MARK2: variants seen among roughly 807,000 people sequenced by gnomAD.
The protein encoded by MARK2 is serine/threonine-protein kinase MARK2.
In MARK2, 16 loss-of-function variants were observed where a neutral mutation model predicts 89.8. The ratio of observed to expected loss-of-function variants is 0.18; its 90% CI spans 0.12 to 0.27. The LOEUF is 0.27. Among genes scored for constraint, MARK2 ranks in the 10% least tolerant of loss-of-function variants. The pLI, the probability that MARK2 is intolerant of heterozygous loss-of-function variation, is 1.00. For missense variants in MARK2, 621 were observed against 1,049.9 expected, an observed-to-expected ratio of 0.59 and a Z score of 5.65; for synonymous variants, 382 against 399.5, an observed-to-expected ratio of 0.96 and a Z score of 0.52.
At chr11:63,908,840 A>G in intron 18 of MARK2, 37 bp from the exon 19 acceptor site, 2 of 1,343,396 alleles carry the variant, frequency 1.5e-6, no homozygotes, top group Non-Finnish European at 9.7e-7. Flanking sequence ...GGGGTGCCTC[A>G]GCCCCCCCGT....
At chr11:63,850,593 T>G (rs1454453243) in intron 1 of MARK2, among the ~76,000 whole-genome samples, 2 of 151,846 alleles carry the variant, frequency 1.3e-5, no homozygotes, top group Non-Finnish European at 2.9e-5. Flanking sequence ...TTTTCTTGAT[T>G]AAAGAAAAAA....
intron 1 of MARK2, chr11:63,888,493 G>A (rs1939546196): frequency 9.9e-7 from 1 of 1,006,542 alleles, no homozygotes; most frequent in Non-Finnish European, 1.2e-6. Context: ...CGGGGAGGGG[G>A]GGAGGGGGAG....
rs376300912 is a variant in MARK2 at position 63,903,067 on chromosome 11, G to T, written c.1423G>T (p.Val475Phe). ...TGCCCTTTATTCCCCACAGAACAGC[G>T]TCCTCTCCACCAGCACAAATCGAAG... ...KTTPTPSTNS[V>F]LSTSTNRSRN... Residue 475 changes from valine (V) to phenylalanine (F), a missense_variant, in exon 14 of 19, where the codon GTC becomes TTC. By Grantham distance (50) the Val-to-Phe change is conservative. Around this residue, in one of 5 missense-constraint regions of MARK2, gnomAD observed 397 missense variants for 567.8 expected, o/e 0.70. Transcript: ENST00000402010. This position sits in a 1 kb window ranked among gnomAD's most constrained non-coding sequence, Gnocchi z 5.1. The T allele has an allele frequency of 6.2e-7, 1 of 1,613,760 alleles. No homozygotes were observed. The highest frequency in any genetic ancestry group is 1.1e-5 in the South Asian group (1 of 91,078).
At chr11:63,898,396 C>A in intron 4 of MARK2, 116 bp downstream of exon 4, 1 of 1,082,398 alleles carries the variant, frequency 9.2e-7, no homozygotes, top group Non-Finnish European at 1.4e-6. Context: ...TCAAGGATAC[C>A]CCTGGGGAAG....
At chr11:63,854,255 A>T (rs1285035974) in intron 1 of MARK2, among the ~76,000 whole-genome samples, 4 of 148,666 alleles carry the variant, frequency 2.7e-5, no homozygotes, top group Middle Eastern at 3.6e-3. Flanking sequence ...GCTGGAGTGC[A>T]TTGGTGCAAC....
chr11:63,908,547 TAC>T (rs949375051), intron 18 of MARK2, among the ~76,000 whole-genome samples: 2 of 152,200 alleles, frequency 1.3e-5, no homozygotes, highest in African/African-American at 4.8e-5. Context: ...TGGTTGGGGC[TAC>T]AGATTCCTAC....
Position 63,909,499 on chromosome 11 carries a change from TGGG to T in MARK2, c.*267_*269del. The T allele has an allele frequency of 2.7e-6, 1 of 365,102 alleles. No homozygotes were observed. The highest frequency in any genetic ancestry group is 4.9e-6 in the Non-Finnish European group (1 of 203,154). The allele number at this position is 365,102 out of a possible 1,614,324, so 22.6% of individuals were successfully genotyped here. A position where few individuals can be genotyped will look rare whatever the true frequency, so the allele number is the denominator to read the frequency against. On this transcript the variant is annotated 3_prime_UTR_variant, in exon 19 of 19. Transcript: ENST00000402010. ...GGAGGCAAAGGAAGGGGAGGGTGGA[TGGG>T]GGGGCAGGGCTCCCCCTCGGTACTG...
intron 1 of MARK2, among the ~76,000 whole-genome samples, chr11:63,878,869 G>T (rs1938932197): frequency 1.3e-5 from 2 of 152,144 alleles, no homozygotes; most frequent in South Asian, 4.1e-4. Flanking sequence ...GACCTCATGG[G>T]CTGGCCTGAG....
chr11:63,901,728 G>A (rs1480288150), intron 11 of MARK2, among the ~76,000 whole-genome samples: 2 of 151,322 alleles, frequency 1.3e-5, no homozygotes, highest in Non-Finnish European at 2.9e-5. Flanking sequence ...GTGTGTATGT[G>A]TCCGTCTTCC....
In MARK2 at chr11:63,902,790, G is replaced by T. The variant is rs377154776; in HGVS notation, c.1416+8G>T. 6.2e-7 allele frequency: 1 copy of T among 1,602,282 alleles called. No homozygotes were observed. Among genetic ancestry groups the T allele is most frequent in the African/African-American group, 1.3e-5 (1 of 74,790 alleles). ...ACCCCAACCCCCTCCACGGTGAGCC[G>T]CACCCCCCGCTCTCTCCTTCCTTCC... is the stretch of plus-strand genomic sequence containing the variant. On this transcript the variant is annotated splice_region_variant and intron_variant, in intron 13 of 18. Transcript: ENST00000402010. The surrounding 1 kb of genome is among the most constrained non-coding windows in gnomAD (Gnocchi z 4.2).
rs1941567290 is a variant in MARK2, at chr11:63,908,867, C to T, written c.2007-10C>T. The T allele has an allele frequency of 2.0e-6, 3 of 1,480,090 alleles. No homozygotes were observed. The highest frequency in any genetic ancestry group is 2.3e-5 in the Admixed American group (1 of 42,984). 91.7% of individuals were successfully genotyped at this position (1,480,090 alleles called of 1,614,324 possible). ...CCCCCCCGTGACGCCCGCCTCTGCC[C>T]TCTCCACAGACCTCACGTGGTGGGC... On this transcript the variant is annotated splice_polypyrimidine_tract_variant and intron_variant, in intron 18 of 18. Transcript: ENST00000402010.
intron 3 of MARK2, 71 bp from the exon 4 acceptor site, chr11:63,898,161 G>A: frequency 1.5e-6 from 2 of 1,352,388 alleles, no homozygotes; most frequent in Non-Finnish European, 2.1e-6. Context: ...ACAAATCCTG[G>A]CAGGGACTGT....
At chr11:63,874,111 T>C (rs948774088) in intron 1 of MARK2, among the ~76,000 whole-genome samples, 2 of 152,220 alleles carry the variant, frequency 1.3e-5, no homozygotes, top group African/African-American at 4.8e-5. Context: ...CCTTTCCCTC[T>C]TCCTTCCTGT....
At chr11:63,871,514 T>A in intron 1 of MARK2, among the ~76,000 whole-genome samples, 1 of 150,988 alleles carries the variant, frequency 6.6e-6, no homozygotes, top group Non-Finnish European at 1.5e-5. Flanking sequence ...CAGGTGTGGC[T>A]GAAGAGTATT....
Position 63,900,204 on chromosome 11 carries a change from G to A in MARK2, c.768+94G>A. 2 of 962,638 alleles carry A rather than the reference G, an allele frequency of 2.1e-6. No homozygotes were observed. The highest frequency in any genetic ancestry group is 3.3e-6 in the Non-Finnish European group (2 of 615,112). The allele number at this position is 962,638 out of a possible 1,614,324, so 59.6% of individuals were successfully genotyped here. ...CTGCCTTTGCCACCTGTCTACATTTGTCCCAAGCCAAAGCTTCAGAGAAGG... is the reference window on the plus strand; with the variant it reads ...CTGCCTTTGCCACCTGTCTACATTTATCCCAAGCCAAAGCTTCAGAGAAGG... On this transcript the variant is annotated intron_variant, in intron 8 of 18. Transcript: ENST00000402010. This position sits in a 1 kb window ranked among gnomAD's most constrained non-coding sequence, Gnocchi z 4.7.
intron 17 of MARK2, among the ~76,000 whole-genome samples, chr11:63,907,292 GC>G (rs1941419306): frequency 6.6e-6 from 1 of 152,196 alleles, no homozygotes; most frequent in Non-Finnish European, 1.5e-5. Flanking sequence ...GCCTCAAGGG[GC>G]CCCAGCAGGG....
At chr11:63,883,507 C>G (rs1371537416) in intron 1 of MARK2, among the ~76,000 whole-genome samples, 2 of 152,102 alleles carry the variant, frequency 1.3e-5, no homozygotes, top group Admixed American at 6.6e-5. Context: ...AAAAATGAAG[C>G]TAGATAATAA....
intron 1 of MARK2, among the ~76,000 whole-genome samples, chr11:63,849,796 T>G (rs2016473750): frequency 6.6e-6 from 1 of 152,210 alleles, no homozygotes; most frequent in African/African-American, 2.4e-5. Context: ...TTTCCTGTAT[T>G]GGAATCCTGG....
At chr11:63,887,710 C>T (rs1051150959) in intron 1 of MARK2, among the ~76,000 whole-genome samples, 6 of 130,446 alleles carry the variant, frequency 4.6e-5, no homozygotes, top group Non-Finnish European at 1.0e-4. Flanking sequence ...AGCACATAGA[C>T]AGGGGTCGTT....
Sources: gnomAD v4.1 joint callset for allele counts (sites outside exome capture counted in the v4.1 genomes callset) on GRCh38, gnomAD v4.1.1 for gene constraint, gnomAD v4.1.1 regional missense constraint, Gnocchi (gnomAD v3.1) non-coding constraint, MANE v1.5 for transcripts, NCBI Gene and HGNC (gene_info 2026-07-23, HGNC 2026-07-21) for gene names.